Variants in FGD3 observed in about 807,000 individuals in gnomAD.
FGD3 encodes the protein FYVE, RhoGEF and PH domain containing 3.
In FGD3, 45 loss-of-function variants were observed where a neutral mutation model predicts 71.8. The ratio of observed to expected loss-of-function variants is 0.63; its 90% CI spans 0.49 to 0.80. The LOEUF (loss-of-function observed/expected upper bound fraction) is 0.80, where lower values mean the gene tolerates loss of function less well. Ranked by LOEUF, FGD3 falls within the 30% of genes least tolerant of loss-of-function variation. FGD3 has a pLI of 0.00. For synonymous variants in FGD3, 378 were observed against 392.8 expected, an observed-to-expected ratio of 0.96 and a Z score of 0.44; for missense variants, 844 against 951.5, an observed-to-expected ratio of 0.89 and a Z score of 1.49.
chr9:92,959,430 CG>C (rs1859127717), intron 1 of FGD3, among the ~76,000 whole-genome samples: 2 of 151,830 alleles, frequency 1.3e-5, no homozygotes, highest in African/African-American at 4.8e-5. Flanking sequence ...GGGCAAGGCT[CG>C]GTGGGTGGCT....
chr9:93,011,414 C>T (rs1861370558), intron 8 of FGD3, 142 bp downstream of exon 8: 3 of 972,396 alleles, frequency 3.1e-6, no homozygotes, highest in South Asian at 1.4e-5. Flanking sequence ...ACCCCCATCC[C>T]CAGGGGGGTC....
At chr9:92,989,615 A>T (rs575194696) in intron 3 of FGD3, among the ~76,000 whole-genome samples, 5,497 of 152,250 alleles carry the variant, frequency 0.036, 349 homozygotes, top group African/African-American at 0.12. Context: ...TTTAAAGGGG[A>T]AAAGTGGGCT....
Position 93,006,092 on chromosome 9 carries a change from A to G in FGD3, c.749A>G (p.Tyr250Cys). ...LAPFLKMYGEYVKNFDRAVGL... is the reference protein window; with the variant it reads ...LAPFLKMYGECVKNFDRAVGL... ...CCATTCCTGAAGATGTACGGCGAGT[A>G]TGTCAAGAACTTTGACCGAGCCGTA... Residue 250 changes from tyrosine (Y) to cysteine (C), a missense_variant, in exon 6 of 18, where the codon TAT (tyrosine) becomes TGT (cysteine). By Grantham distance (194) the Tyr-to-Cys change is radical. Transcript: ENST00000375482. 3.1e-6 allele frequency: 5 copies of G among 1,613,516 alleles called. No individual in the cohort carries two copies. The highest frequency in any genetic ancestry group is 4.2e-6 in the Non-Finnish European group (5 of 1,179,762).
At chr9:93,004,232 C>A (rs1860966017) in intron 5 of FGD3, 95 bp downstream of exon 5, 3 of 1,499,280 alleles carry the variant, frequency 2.0e-6, no homozygotes, top group Non-Finnish European at 2.7e-6. Context: ...GGGGGACTGT[C>A]TCATGGTGGC....
intron 7 of FGD3, among the ~76,000 whole-genome samples, chr9:93,010,614 AG>A (rs1298177239): frequency 6.7e-4 from 95 of 140,958 alleles, no homozygotes; most frequent in Non-Finnish European, 8.7e-4. Flanking sequence ...GGAGAAACAG[AG>A]GGGAGGAGAG....
chr9:93,015,397 A>G (rs560823955), intron 9 of FGD3, among the ~76,000 whole-genome samples: 1 of 152,306 alleles, frequency 6.6e-6, no homozygotes, highest in South Asian at 2.1e-4. Context: ...CGGAGTTTGC[A>G]GTGAGCCAAG....
intron 1 of FGD3, among the ~76,000 whole-genome samples, chr9:92,958,048 G>C (rs1198712248): frequency 6.6e-6 from 1 of 150,404 alleles, no homozygotes; most frequent in Non-Finnish European, 1.5e-5. Flanking sequence ...ACCCAGGCTG[G>C]AGTGCAGTGG....
chr9:93,004,246 G>A (rs1267560578), intron 5 of FGD3, 109 bp downstream of exon 5: 1 of 1,434,582 alleles, frequency 7.0e-7, no homozygotes, highest in African/African-American at 1.4e-5. Context: ...TGGTGGCTGG[G>A]CGCCTCCCTT....
intron 6 of FGD3, among the ~76,000 whole-genome samples, chr9:93,007,318 C>G (rs772677209): frequency 1.6e-4 from 24 of 151,782 alleles, no homozygotes; most frequent in Admixed American, 3.9e-4. Context: ...TCTCGATTTC[C>G]TGACCTTGTG....
chr9:93,016,335 C>CTTTTTT (rs71511639), intron 10 of FGD3, among the ~76,000 whole-genome samples: 4 of 108,498 alleles, frequency 3.7e-5, no homozygotes, highest in Non-Finnish European at 5.6e-5. Flanking sequence ...GAATGACCTT[C>CTTTTTT]TTTTTTTTTT....
intron 3 of FGD3, among the ~76,000 whole-genome samples, chr9:92,979,162 G>C (rs987566064): frequency 6.6e-6 from 1 of 152,086 alleles, no homozygotes. Context: ...GAAGTGGTGA[G>C]AGTGGGCATC....
chr9:93,013,316 C>T (rs1324606048), intron 8 of FGD3, among the ~76,000 whole-genome samples: 1 of 152,234 alleles, frequency 6.6e-6, no homozygotes, highest in Non-Finnish European at 1.5e-5. Flanking sequence ...AGACATGTGG[C>T]TGTTGTCGAG....
chr9:92,989,285 G>A (rs1244207789), intron 3 of FGD3, among the ~76,000 whole-genome samples: 2 of 152,000 alleles, frequency 1.3e-5, no homozygotes, highest in African/African-American at 2.4e-5. Context: ...TCCTGACCTC[G>A]AGATCCACCC....
intron 14 of FGD3, 70 bp downstream of exon 14, chr9:93,022,459 T>C: frequency 2.0e-6 from 3 of 1,522,456 alleles, no homozygotes; most frequent in Non-Finnish European, 2.7e-6. Context: ...GGATGACCTA[T>C]AGGGAAGATG....
chr9:93,003,987 T>C lies in FGD3; in HGVS notation c.544-14T>C, dbSNP rs369568017. 31 of 1,613,778 alleles carry C rather than the reference T, an allele frequency of 1.9e-5. No individual in the cohort carries two copies. The highest frequency in any genetic ancestry group is 1.9e-5 in the Non-Finnish European group (23 of 1,179,948). On this transcript the variant is annotated splice_polypyrimidine_tract_variant and intron_variant, in intron 4 of 17. Transcript: ENST00000375482. This position sits in a 1 kb window ranked among gnomAD's most constrained non-coding sequence, Gnocchi z 4.1. ...AGAGGCTCACTGGCCACACGTGGGC[T>C]TCTCTATGCTCAGGTTTTCTGCACC...
At chr9:93,033,796 T>C (rs949183899) in intron 16 of FGD3, 1 of 152,240 alleles carries the variant, frequency 6.6e-6, no homozygotes, top group Non-Finnish European at 1.5e-5. Context: ...GTTTTCAGAG[T>C]CCCAGCTGCT....
intron 1 of FGD3, among the ~76,000 whole-genome samples, chr9:92,962,656 A>G (rs1859191031): frequency 1.3e-5 from 2 of 152,200 alleles, no homozygotes; most frequent in Non-Finnish European, 1.5e-5. Flanking sequence ...GAAGTTCATC[A>G]GTGTCCGGGC....
At chr9:93,034,429 C>G in intron 16 of FGD3, 112 bp from the exon 17 acceptor site, 1 of 1,408,698 alleles carries the variant, frequency 7.1e-7, no homozygotes, top group Non-Finnish European at 9.5e-7. Context: ...TTGGCCATGT[C>G]TCCACAGCCA....
intron 13 of FGD3, among the ~76,000 whole-genome samples, chr9:93,021,956 G>A (rs1186951642): frequency 1.3e-5 from 2 of 152,190 alleles, no homozygotes; most frequent in African/African-American, 2.4e-5. Flanking sequence ...TGCTGAGAAA[G>A]TCGGGGAGCT....
Sources: gnomAD v4.1 joint callset for allele counts (sites outside exome capture counted in the v4.1 genomes callset) on GRCh38, gnomAD v4.1.1 for gene constraint, Gnocchi (gnomAD v3.1) non-coding constraint, MANE v1.5 for transcripts, NCBI Gene and HGNC (gene_info 2026-07-23, HGNC 2026-07-21) for gene names.